Variants in GLI3 observed in about 807,000 individuals in gnomAD.
GLI3 encodes the protein transcription activator GLI3.
GLI3 carries 20 observed loss-of-function variants against 100.8 expected under a neutral mutation model. That is an observed-to-expected ratio of 0.20 (90% confidence interval 0.14 to 0.29). The LOEUF (loss-of-function observed/expected upper bound fraction) is 0.29. Among genes scored for constraint, GLI3 ranks in the 10% least tolerant of loss-of-function variants. GLI3 has a pLI of 1.00. For synonymous variants in GLI3, 938 were observed against 860.5 expected, an observed-to-expected ratio of 1.09 and a Z score of -1.58; for missense variants, 2,040 against 2,128.5, an observed-to-expected ratio of 0.96 and a Z score of 0.82.
chr7:42,187,714 G>A (rs2128686208), intron 2 of GLI3, among the ~76,000 whole-genome samples: 1 of 152,150 alleles, frequency 6.6e-6, no homozygotes, highest in South Asian at 2.1e-4. Flanking sequence ...CTTACGAGAA[G>A]GCCAGCAGAG....
intron 3 of GLI3, among the ~76,000 whole-genome samples, chr7:42,098,316 C>T (rs543975336): frequency 2.0e-5 from 3 of 152,228 alleles, no homozygotes; most frequent in Non-Finnish European, 4.4e-5. Flanking sequence ...AACTGACCCA[C>T]GCTAACGGAA....
At chr7:42,192,946 C>T (rs1410021929) in intron 2 of GLI3, among the ~76,000 whole-genome samples, 6 of 152,190 alleles carry the variant, frequency 3.9e-5, no homozygotes, top group Non-Finnish European at 8.8e-5. Context: ...CAGCCTTGCA[C>T]AGACCACAGG....
chr7:42,191,970 C>A (rs1174027800), intron 2 of GLI3, among the ~76,000 whole-genome samples: 2 of 151,518 alleles, frequency 1.3e-5, no homozygotes, highest in African/African-American at 4.9e-5. Context: ...AAGAATAAAC[C>A]AAACAATAGC....
At chr7:42,122,078 G>A (rs1786014578) in intron 3 of GLI3, among the ~76,000 whole-genome samples, 1 of 147,542 alleles carries the variant, frequency 6.8e-6, no homozygotes, top group East Asian at 2.0e-4. Flanking sequence ...ATCTCCCAAT[G>A]TCTGTGACAT....
intron 10 of GLI3, among the ~76,000 whole-genome samples, chr7:42,014,770 T>A (rs546175224): frequency 1.3e-3 from 201 of 152,274 alleles, no homozygotes; most frequent in African/African-American, 4.6e-3. Flanking sequence ...AGATCGGACA[T>A]GCATGAAGCG....
intron 6 of GLI3, 138 bp downstream of exon 6, chr7:42,045,246 G>T: frequency 1.2e-6 from 1 of 868,354 alleles, no homozygotes; most frequent in Non-Finnish European, 2.0e-6. Flanking sequence ...GGGAACCAGA[G>T]CACCAGATAG....
chr7:42,096,858 T>C (rs1261981613), intron 3 of GLI3, among the ~76,000 whole-genome samples: 1 of 152,154 alleles, frequency 6.6e-6, no homozygotes. Flanking sequence ...TGCCTAAAAG[T>C]TGGATGTGAT....
chr7:42,222,999 T>A (rs1788515596), intron 2 of GLI3, 131 bp downstream of exon 2: 101 of 782,864 alleles, frequency 1.3e-4, no homozygotes, highest in Middle Eastern at 3.8e-4. Context: ...CCCCCGCCCC[T>A]GCTCCATTTG....
At chr7:42,229,306 T>C (rs543848232) in intron 1 of GLI3, among the ~76,000 whole-genome samples, 1 of 152,320 alleles carries the variant, frequency 6.6e-6, no homozygotes, top group South Asian at 2.1e-4. Flanking sequence ...TATTTAATGA[T>C]AACCCGATCT....
intron 10 of GLI3, among the ~76,000 whole-genome samples, chr7:42,017,687 G>C (rs1788806106): frequency 6.6e-6 from 1 of 152,214 alleles, no homozygotes; most frequent in South Asian, 2.1e-4. Context: ...TTATTCAGCA[G>C]ACACACAATG....
At chr7:42,054,959 C>T in intron 4 of GLI3, among the ~76,000 whole-genome samples, 1 of 151,650 alleles carries the variant, frequency 6.6e-6, no homozygotes, top group Non-Finnish European at 1.5e-5. Flanking sequence ...TGCACCACTG[C>T]ACTCCAGCCT....
Position 42,061,115 on chromosome 7 carries a change from A to T in GLI3, c.474-12419T>A, listed in dbSNP as rs149128286. 2.9e-3 allele frequency among the ~76,000 whole-genome samples: 441 copies of T among 152,292 alleles called. 2 individuals carry two copies. Among genetic ancestry groups the T allele is most frequent in the Admixed American group, 9.5e-3 (146 of 15,288 alleles). ...TTCCCCTCAGAGGACTTCAGGTACT[A>T]GGTGGATATAATTAATTGAAAACAG... On this transcript the variant is annotated intron_variant, in intron 4 of 14. Coordinates refer to ENST00000395925, the MANE Select transcript of GLI3 (RefSeq NM_000168.6).
intron 3 of GLI3, among the ~76,000 whole-genome samples, chr7:42,097,202 C>T (rs888551547): frequency 2.0e-5 from 3 of 152,168 alleles, no homozygotes; most frequent in African/African-American, 7.2e-5. Flanking sequence ...TTATTGCTTT[C>T]GTTCAACAGC....
In GLI3 at chr7:42,081,902, T is replaced by C. The variant is rs146121617; in HGVS notation, c.368-5045A>G. On this transcript the variant is annotated intron_variant, in intron 3 of 14. Transcript: ENST00000395925. ...AAACTGCTAAGTGCAGAAGTCCTCA[T>C]GGGTGATTTAAATACTGAAGTCGTC... is the stretch of plus-strand genomic sequence containing the variant. 4.0e-3 allele frequency among the ~76,000 whole-genome samples: 608 copies of C among 152,156 alleles called. 5 individuals carry two copies. Among genetic ancestry groups the C allele is most frequent in the African/African-American group, 0.014 (572 of 41,486 alleles).
intron 2 of GLI3, among the ~76,000 whole-genome samples, chr7:42,215,547 G>A (rs760371475): frequency 5.9e-5 from 9 of 152,130 alleles, no homozygotes; most frequent in Non-Finnish European, 1.3e-4. Context: ...GTTCTGAGCA[G>A]CTTGTTTCTG....
chr7:42,113,485 TAAA>T, intron 3 of GLI3: 1 of 840,128 alleles, frequency 1.2e-6, no homozygotes, highest in African/African-American at 1.7e-5. Context: ...AGAGCAAGCC[TAAA>T]AAGGCCCCTG....
intron 10 of GLI3, among the ~76,000 whole-genome samples, chr7:42,010,874 A>T (rs1428929125): frequency 6.6e-6 from 1 of 152,150 alleles, no homozygotes; most frequent in African/African-American, 2.4e-5. Context: ...GTAGTTGGTT[A>T]GGTCATTTTT....
chr7:42,219,842 GA>G (rs993095484), intron 2 of GLI3, among the ~76,000 whole-genome samples: 46 of 150,570 alleles, frequency 3.1e-4, no homozygotes, highest in African/African-American at 1.0e-3. Flanking sequence ...TTTGGTTTTT[GA>G]AACTGAACTC....
chr7:42,029,366 C>T lies in GLI3; in HGVS notation c.1029-2954G>A, dbSNP rs74945964. On this transcript the variant is annotated intron_variant, in intron 7 of 14. Transcript: ENST00000395925. The stretch of plus-strand genomic sequence containing the variant: ...TCCTCTGCTCTCAGAACACTGCCAT[C>T]AGAGTGCTGGGGCAGAGGACGGGCG... Among the ~76,000 whole-genome samples the T allele has an allele frequency of 1.4e-4, 21 of 152,338 alleles. No homozygotes were observed. In the East Asian group the frequency reaches 4.1e-3, roughly 29 times the overall value.
Sources: allele counts gnomAD v4.1 joint callset (sites outside exome capture counted in the v4.1 genomes callset), GRCh38; gene constraint gnomAD v4.1.1; transcripts MANE v1.5; gene names NCBI Gene and HGNC (gene_info 2026-07-23, HGNC 2026-07-21).